STXBP6: variants seen among roughly 807,000 people sequenced by gnomAD.
STXBP6 encodes syntaxin-binding protein 6.
STXBP6 carries 21 observed loss-of-function variants against 26.9 expected under a neutral mutation model. The ratio of observed to expected loss-of-function variants is 0.78; its 90% confidence interval spans 0.55 to 1.12. The LOEUF (loss-of-function observed/expected upper bound fraction) is 1.12, where lower values mean the gene tolerates loss of function less well. Among genes scored for constraint, STXBP6 ranks in the 50% most tolerant of loss-of-function variants. The pLI is 0.00. For synonymous variants in STXBP6, 97 were observed against 92.6 expected (o/e 1.05, Z -0.27); for missense variants, 232 against 257.9 (o/e 0.90, Z 0.69).
At chr14:24,835,937 T>C (rs1203837614) in intron 4 of STXBP6, among the ~76,000 whole-genome samples, 3 of 152,196 alleles carry the variant, frequency 2.0e-5, no homozygotes, top group Non-Finnish European at 4.4e-5. Flanking sequence ...CAAGAAGTCA[T>C]TAAGGTAAAT....
intron 1 of STXBP6, among the ~76,000 whole-genome samples, chr14:25,008,435 G>A (rs2074953976): frequency 1.3e-5 from 2 of 152,132 alleles, no homozygotes; most frequent in Admixed American, 1.3e-4. Context: ...AGTGAGCCAT[G>A]AGCACACCAC....
chr14:24,935,557 T>C (rs574245352), intron 2 of STXBP6, among the ~76,000 whole-genome samples: 16 of 152,312 alleles, frequency 1.1e-4, no homozygotes, highest in African/African-American at 3.1e-4. Flanking sequence ...GAGATATGTG[T>C]GGTGAAGTTT....
intron 1 of STXBP6, among the ~76,000 whole-genome samples, chr14:25,037,553 A>C (rs1270138727): frequency 6.6e-6 from 1 of 152,222 alleles, no homozygotes; most frequent in Non-Finnish European, 1.5e-5. Flanking sequence ...ATTCCTTTAC[A>C]GGCAAGTGTT....
At chr14:24,889,785 G>T (rs1268349563) in intron 2 of STXBP6, among the ~76,000 whole-genome samples, 1 of 152,138 alleles carries the variant, frequency 6.6e-6, no homozygotes, top group African/African-American at 2.4e-5. Context: ...ATACTAATCA[G>T]GATCCTTTGC....
intron 4 of STXBP6, among the ~76,000 whole-genome samples, chr14:24,840,993 A>G (rs1414237928): frequency 6.6e-6 from 1 of 152,202 alleles, no homozygotes; most frequent in African/African-American, 2.4e-5. Flanking sequence ...CATTCCAAGT[A>G]ATTTTAAAAT....
chr14:25,022,851 T>A (rs931998760), intron 1 of STXBP6, among the ~76,000 whole-genome samples: 20 of 152,276 alleles, frequency 1.3e-4, no homozygotes, highest in Admixed American at 5.9e-4. Flanking sequence ...CTTGGATGCC[T>A]CAAACTCATC....
chr14:24,840,131 C>A (rs1395361733), intron 4 of STXBP6, among the ~76,000 whole-genome samples: 2 of 152,172 alleles, frequency 1.3e-5, no homozygotes, highest in African/African-American at 4.8e-5. Flanking sequence ...ATGGCTTAGA[C>A]AGGTTATAAA....
intron 2 of STXBP6, among the ~76,000 whole-genome samples, chr14:24,966,548 G>A (rs117579494): frequency 6.6e-6 from 1 of 152,176 alleles, no homozygotes; most frequent in Non-Finnish European, 1.5e-5. Context: ...ACAAGAGAAG[G>A]CTGTTGTGAG....
chr14:24,816,537 CCCT>C (rs2067981634), intron 5 of STXBP6: 1 of 151,946 alleles, frequency 6.6e-6, no homozygotes, highest in African/African-American at 2.4e-5. Context: ...CACTAGTAAC[CCCT>C]CCTCTTCCCC....
chr14:24,813,285 T>C (rs2067875907), intron 5 of STXBP6, among the ~76,000 whole-genome samples: 1 of 152,226 alleles, frequency 6.6e-6, no homozygotes, highest in Admixed American at 6.5e-5. Flanking sequence ...CTTTGATTTA[T>C]GCCTTTCCCA....
intron 4 of STXBP6, 138 bp downstream of exon 4, chr14:24,855,798 T>C (rs1458487939): frequency 1.4e-6 from 1 of 717,880 alleles, no homozygotes; most frequent in Non-Finnish European, 2.1e-6. Flanking sequence ...CCTGGAATGG[T>C]TCTTATGTTG....
rs1429882369 is a variant in STXBP6 at position 24,899,770 on chromosome 14, GA to G, written c.155-42614del. ...CACTCTAGCCTGTAAAACAGAGCGA[GA>G]CTACATTTCAAAAAAAAAAAAAAAA... On this transcript the variant is annotated intron_variant, in intron 2 of 5. Coordinates refer to ENST00000323944, the MANE Select transcript of STXBP6 (RefSeq NM_001394410.1). 5.1e-5 allele frequency among the ~76,000 whole-genome samples: 5 copies of G among 97,468 alleles called. No homozygotes were observed. The East Asian group carries it at 1.4e-3, about 27-fold the overall frequency. 63.9% of individuals were successfully genotyped at this position (97,468 alleles called of 152,430 possible). A position where few individuals can be genotyped will look rare whatever the true frequency, so the allele number is the denominator to read the frequency against.
chr14:25,014,420 G>A (rs959094330), intron 1 of STXBP6, among the ~76,000 whole-genome samples: 1 of 152,112 alleles, frequency 6.6e-6, no homozygotes, highest in Non-Finnish European at 1.5e-5. Context: ...AGCCAAGATC[G>A]TACTGCTGCA....
At chr14:24,970,460 A>G (rs1392127799) in intron 2 of STXBP6, among the ~76,000 whole-genome samples, 1 of 152,182 alleles carries the variant, frequency 6.6e-6, no homozygotes, top group Non-Finnish European at 1.5e-5. Flanking sequence ...CTAGAATGTC[A>G]TATAAATAGA....
chr14:24,857,720 T>G (rs1406931356), intron 2 of STXBP6, among the ~76,000 whole-genome samples: 1 of 151,820 alleles, frequency 6.6e-6, no homozygotes, highest in Non-Finnish European at 1.5e-5. Flanking sequence ...TTGTATCTAG[T>G]TTGCATCTAA....
chr14:24,872,581 G>T (rs2069977340), intron 2 of STXBP6, among the ~76,000 whole-genome samples: 1 of 152,190 alleles, frequency 6.6e-6, no homozygotes, highest in South Asian at 2.1e-4. Flanking sequence ...CCACTTTAGG[G>T]TTTGATGTTG....
At chr14:24,841,508 T>C (rs2139024658) in intron 4 of STXBP6, among the ~76,000 whole-genome samples, 1 of 152,350 alleles carries the variant, frequency 6.6e-6, no homozygotes, top group South Asian at 2.1e-4. Context: ...ATACTGGTTT[T>C]CTGCCATTCT....
intron 1 of STXBP6, among the ~76,000 whole-genome samples, chr14:24,988,788 C>T (rs1462254995): frequency 6.6e-6 from 1 of 152,242 alleles, no homozygotes; most frequent in African/African-American, 2.4e-5. Context: ...GAACCTGAAC[C>T]CTTGTAGAAG....
At chr14:24,833,317 G>C (rs766381621) in intron 4 of STXBP6, among the ~76,000 whole-genome samples, 1 of 152,200 alleles carries the variant, frequency 6.6e-6, no homozygotes, top group African/African-American at 2.4e-5. Flanking sequence ...AGGTGGAAGA[G>C]AGGTATTCTA....
Sources: allele counts gnomAD v4.1 joint callset (sites outside exome capture counted in the v4.1 genomes callset), GRCh38; gene constraint gnomAD v4.1.1; transcripts MANE v1.5; gene names NCBI Gene and HGNC (gene_info 2026-07-23, HGNC 2026-07-21).